SLC19A1: variants seen among roughly 807,000 people sequenced by gnomAD.
SLC19A1 encodes reduced folate transporter.
In SLC19A1, 37 loss-of-function variants were observed where a neutral mutation model predicts 35.3. The ratio of observed to expected loss-of-function variants is 1.05; its 90% CI spans 0.81 to 1.38. The LOEUF is 1.38. SLC19A1 is among the 40% of genes most tolerant of loss of function. The pLI, the probability that SLC19A1 is intolerant of heterozygous loss-of-function variation, is 0.00. For synonymous variants in SLC19A1, 460 were observed against 398.5 expected (o/e 1.15, Z -1.84); for missense variants, 831 against 826.9 (o/e 1.00, Z -0.06).
intron 5 of SLC19A1, among the ~76,000 whole-genome samples, chr21:45,520,629 C>G (rs1018459722): frequency 6.6e-6 from 1 of 152,226 alleles, no homozygotes; most frequent in Non-Finnish European, 1.5e-5. Flanking sequence ...CCCACAATGT[C>G]ACTGCATTTG....
chr21:45,506,271 G>A (rs1226058473), intron 3 of SLC19A1: 1 of 413,396 alleles, frequency 2.4e-6, no homozygotes, highest in Non-Finnish European at 4.6e-6. Context: ...CCGATAATAA[G>A]ACAAGGCGCC....
chr21:45,525,997 GA>G (rs1435591720), intron 4 of SLC19A1, 39 bp from the exon 5 acceptor site: 1 of 1,600,224 alleles, frequency 6.2e-7, no homozygotes, highest in African/African-American at 1.3e-5. Flanking sequence ...GCTGCTGGGA[GA>G]ATAAGCAGCA....
intron 1 of SLC19A1, among the ~76,000 whole-genome samples, chr21:45,559,232 G>T (rs567074136): frequency 6.6e-6 from 1 of 152,314 alleles, no homozygotes; most frequent in South Asian, 2.1e-4. Flanking sequence ...AAGTCAAAAA[G>T]CACCATGAAG....
chr21:45,515,593 C>T lies in SLC19A1; in HGVS notation c.*65G>A, dbSNP rs1024103715. ...CCCCATTGCTAAGGCAGGCGGCCCT[C>T]GAGGCAGGGGTCGTGGGGATGCACT... On this transcript the variant is annotated 3_prime_UTR_variant, in exon 6 of 6. Coordinates refer to ENST00000311124, the MANE Select transcript of SLC19A1 (RefSeq NM_194255.4). 5.6e-6 allele frequency: 9 copies of T among 1,598,104 alleles called. No homozygotes were observed. The highest frequency in any genetic ancestry group is 4.5e-5 in the East Asian group (2 of 44,836).
Position 45,505,742 on chromosome 21 carries a change from C to T in SLC19A1, c.498-7130G>A, listed in dbSNP as rs199742735. On this transcript the variant is annotated intron_variant, in intron 3 of 4. Coordinates refer to the SLC19A1 transcript ENST00000417954. ...TCCACACCTGTCCAAAGCCCTGCGG[C>T]CCCTGCCCAGCACCCTGAAACGGGC... 1.1e-4 allele frequency: 113 copies of T among 1,034,554 alleles called. No homozygotes were observed. In the East Asian group the frequency reaches 2.7e-3, roughly 25 times the overall value. 64.1% of individuals were successfully genotyped at this position (1,034,554 alleles called of 1,614,324 possible).
chr21:45,557,865 G>A (rs527764837), intron 1 of SLC19A1, among the ~76,000 whole-genome samples: 9 of 152,336 alleles, frequency 5.9e-5, no homozygotes, highest in Admixed American at 2.6e-4. Context: ...CCGTGCCCTC[G>A]GCACTCGGAC....
chr21:45,509,849 G>T (rs937906701), downstream of SLC19A1, among the ~76,000 whole-genome samples: 3 of 152,210 alleles, frequency 2.0e-5, no homozygotes, highest in Non-Finnish European at 2.9e-5. Flanking sequence ...GCCTACAGCG[G>T]CAGCTGGGGG....
chr21:45,503,943 G>A (rs960485148), intron 3 of SLC19A1: 14 of 1,576,342 alleles, frequency 8.9e-6, no homozygotes, highest in Non-Finnish European at 1.7e-6. Context: ...CAGTGCTGGG[G>A]GCTGCAGAGG....
chr21:45,504,104 C>T (rs367827370), intron 3 of SLC19A1: 125 of 1,587,368 alleles, frequency 7.9e-5, no homozygotes, highest in African/African-American at 5.0e-4. Flanking sequence ...CTGTACATCC[C>T]GCTGGGTGGC....
At chr21:45,506,049 GC>G in intron 3 of SLC19A1, 1 of 1,602,782 alleles carries the variant, frequency 6.2e-7, no homozygotes, top group East Asian at 2.2e-5. Flanking sequence ...AGAGGCTCAG[GC>G]CCCGGACAGG....
rs898650220 is a variant in SLC19A1, at chr21:45,530,452, A to C, written c.1151+318T>G. On this transcript the variant is annotated intron_variant, in intron 4 of 5. Transcript: ENST00000311124. This position sits in a 1 kb window ranked among gnomAD's most constrained non-coding sequence, Gnocchi z 5.3. Reference sequence around the variant, plus strand: ...GCTGAGGATGAACTCACACAGGTGCAAGCTCCCGCTCCTGCCTGGATGGGG... The same window carrying C: ...GCTGAGGATGAACTCACACAGGTGCCAGCTCCCGCTCCTGCCTGGATGGGG... Among the ~76,000 whole-genome samples the C allele has an allele frequency of 1.2e-4, 19 of 152,142 alleles. No homozygotes were observed. The highest frequency in any genetic ancestry group is 4.3e-4 in the African/African-American group (18 of 41,414).
rs1252430463 is a variant in SLC19A1, at chr21:45,540,396, AC to A, written c.-50+1971del. Among the ~76,000 whole-genome samples the A allele has an allele frequency of 4.6e-5, 7 of 151,880 alleles. No individual in the cohort carries two copies. Among genetic ancestry groups the A allele is most frequent in the Non-Finnish European group, 1.0e-4 (7 of 67,952 alleles). On this transcript the variant is annotated intron_variant, in intron 1 of 5. Coordinates refer to ENST00000311124, the MANE Select transcript of SLC19A1 (RefSeq NM_194255.4). This position sits in a 1 kb window ranked among gnomAD's most constrained non-coding sequence, Gnocchi z 5.5. ...CAGGAGTCAGATCCCCACCCACAGG[AC>A]CCCCAGGGGCCCGGGAGCCCTGGGT...
At chr21:45,528,919 G>A (rs943347111) in intron 4 of SLC19A1, among the ~76,000 whole-genome samples, 4 of 152,236 alleles carry the variant, frequency 2.6e-5, no homozygotes, top group Non-Finnish European at 4.4e-5. Flanking sequence ...CTGCGGCACC[G>A]TGTTGGATTT....
At chr21:45,555,840 C>G (rs2078555858) in intron 1 of SLC19A1, among the ~76,000 whole-genome samples, 2 of 152,134 alleles carry the variant, frequency 1.3e-5, no homozygotes, top group African/African-American at 4.8e-5. Flanking sequence ...GGTCGCGGAC[C>G]CTGAGGCAGG....
At chr21:45,552,675 G>A (rs145871873) in intron 1 of SLC19A1, among the ~76,000 whole-genome samples, 5 of 148,570 alleles carry the variant, frequency 3.4e-5, no homozygotes, top group African/African-American at 5.0e-5. Context: ...TGGTCTCAGC[G>A]AAGTGGAGCG....
chr21:45,515,972 C>A lies in SLC19A1; in HGVS notation c.1462G>T (p.Asp488Tyr). 1 of 1,551,948 alleles carries A rather than the reference C, an allele frequency of 6.4e-7. No homozygotes were observed. Residue 488 changes from aspartate to tyrosine, a missense_variant, in exon 6 of 6, where the codon GAC (aspartate) becomes TAC (tyrosine). Physicochemically the swap from Asp to Tyr is radical, Grantham distance 160. Coordinates refer to ENST00000311124, the MANE Select transcript of SLC19A1 (RefSeq NM_194255.4). Reference sequence around the variant, plus strand: ...GGCTGCAGGCCTCCGAGGCCCTTGTCCTGCACGCTCAGTGCCTGTGCTGCC... The same window carrying A: ...GGCTGCAGGCCTCCGAGGCCCTTGTACTGCACGCTCAGTGCCTGTGCTGCC... ...EKAAQALSVQ[D>Y]KGLGGLQPAQ...
chr21:45,550,698 A>G (rs1308236426), intron 1 of SLC19A1, among the ~76,000 whole-genome samples: 7 of 152,122 alleles, frequency 4.6e-5, no homozygotes, highest in Non-Finnish European at 1.0e-4. Context: ...CTTCTTCTGA[A>G]TGTTTCAGTA....
intron 1 of SLC19A1, among the ~76,000 whole-genome samples, chr21:45,554,800 A>C (rs1187907080): frequency 1.3e-5 from 2 of 151,764 alleles, no homozygotes; most frequent in Non-Finnish European, 2.9e-5. Flanking sequence ...TGACAAGTGA[A>C]TCTTTCTCTT....
intron 3 of SLC19A1, chr21:45,504,208 A>G (rs556719465): frequency 2.1e-6 from 2 of 967,102 alleles, no homozygotes; most frequent in South Asian, 2.7e-5. Flanking sequence ...GGCGTCCCTC[A>G]GGATGTTCCT....
Sources: allele counts gnomAD v4.1 joint callset (sites outside exome capture counted in the v4.1 genomes callset), GRCh38; gene constraint gnomAD v4.1.1; non-coding constraint Gnocchi (gnomAD v3.1); transcripts MANE v1.5; gene names NCBI Gene and HGNC (gene_info 2026-07-23, HGNC 2026-07-21).